Variants in TMEM266 observed in about 807,000 individuals in gnomAD.
TMEM266 encodes the protein transmembrane protein 266.
A neutral mutation model predicts 50.5 loss-of-function variants in TMEM266; 33 were observed. The observed-to-expected ratio is 0.65, with a 90% CI of 0.50 to 0.87. The LOEUF (loss-of-function observed/expected upper bound fraction) is 0.87, where lower values mean the gene tolerates loss of function less well. Ranked by LOEUF, TMEM266 falls within the 40% of genes least tolerant of loss-of-function variation. The pLI is 0.00. For missense variants in TMEM266, 655 were observed against 695.1 expected, an observed-to-expected ratio of 0.94 and a Z score of 0.65; for synonymous variants, 310 against 292.3, an observed-to-expected ratio of 1.06 and a Z score of -0.62.
chr15:76,072,731 G>A (rs1176542269), intron 1 of TMEM266, among the ~76,000 whole-genome samples: 2 of 151,462 alleles, frequency 1.3e-5, no homozygotes, highest in South Asian at 2.1e-4. Flanking sequence ...TCTGCCTCCC[G>A]GGTTCAAGCT....
At chr15:76,190,823 G>A (rs1166223454) in intron 8 of TMEM266, among the ~76,000 whole-genome samples, 1 of 152,164 alleles carries the variant, frequency 6.6e-6, no homozygotes, top group Non-Finnish European at 1.5e-5. Flanking sequence ...GCATTTGCGC[G>A]GCATTGGTAA....
At chr15:76,144,815 G>C (rs149264367) in intron 3 of TMEM266, among the ~76,000 whole-genome samples, 20 of 152,272 alleles carry the variant, frequency 1.3e-4, no homozygotes, top group Non-Finnish European at 2.5e-4. Flanking sequence ...AGGGGAGAAG[G>C]GGAACAGGGG....
At chr15:76,116,960 C>T (rs1463984818) in intron 1 of TMEM266, among the ~76,000 whole-genome samples, 2 of 146,312 alleles carry the variant, frequency 1.4e-5, no homozygotes, top group Non-Finnish European at 3.0e-5. Flanking sequence ...AGTGCAGTGG[C>T]ATGATCTCGG....
chr15:76,116,355 C>G (rs574484537), intron 1 of TMEM266, among the ~76,000 whole-genome samples: 1 of 152,342 alleles, frequency 6.6e-6, no homozygotes, highest in East Asian at 1.9e-4. Context: ...CACGCAGCCT[C>G]GCAGTGGCTT....
chr15:76,135,678 T>G (rs2037577570), intron 2 of TMEM266, among the ~76,000 whole-genome samples: 1 of 152,222 alleles, frequency 6.6e-6, no homozygotes, highest in African/African-American at 2.4e-5. Context: ...CTGTTTCGTT[T>G]AAAGATCTTG....
chr15:76,204,175 A>C lies in TMEM266; in HGVS notation c.1456A>C (p.Asn486His), dbSNP rs371899674. 2.2e-5 allele frequency: 36 copies of C among 1,613,656 alleles called. No individual in the cohort carries two copies. In the African/African-American group the frequency reaches 4.5e-4, roughly 20 times the overall value. The change falls in exon 11 of 11, where the codon AAC becomes CAC. Residue 486 changes from asparagine (N) to histidine (H), a missense_variant. Asn to His is a moderately conservative substitution (Grantham distance 68). Around this residue, in one of 3 missense-constraint regions of TMEM266, gnomAD observed 455 missense variants for 401.8 expected, o/e 1.13. Transcript: ENST00000388942. ...GCTGGAACACAGGGTAAGTCTGTTC[A>C]ACCAGAAGAACCAGGAGGGCTTCAC... is the stretch of plus-strand genomic sequence containing the variant.
intron 1 of TMEM266, among the ~76,000 whole-genome samples, chr15:76,063,833 G>A (rs1183120177): frequency 6.6e-6 from 1 of 152,192 alleles, no homozygotes; most frequent in Non-Finnish European, 1.5e-5. Flanking sequence ...GTTCTCTGTA[G>A]TGAGCAATGA....
At chr15:76,178,687 G>C (rs942964168) in intron 8 of TMEM266, 3 of 152,216 alleles carry the variant, frequency 2.0e-5, no homozygotes, top group African/African-American at 7.2e-5. Context: ...TCCACATGTG[G>C]CCTCCTTCCC....
At chr15:76,141,356 C>T (rs139159818) in intron 3 of TMEM266, among the ~76,000 whole-genome samples, 1 of 152,042 alleles carries the variant, frequency 6.6e-6, no homozygotes, top group East Asian at 1.9e-4. Context: ...CCACTTCAGC[C>T]TCCCAAGTAA....
At chr15:76,183,103 CTTTTTTTTTTTTTTTTTTTT>C (rs71140199) in intron 8 of TMEM266, among the ~76,000 whole-genome samples, 1 of 44,126 alleles carries the variant, frequency 2.3e-5, no homozygotes, top group South Asian at 1.6e-3. Flanking sequence ...CATTTTGTGG[CTTTTTTTTTTTTTTTTTTTT>C]TTTTTTTTTT....
chr15:76,203,657 C>T, intron 10 of TMEM266, 84 bp from the exon 11 acceptor site: 1 of 1,337,202 alleles, frequency 7.5e-7, no homozygotes, highest in Admixed American at 1.9e-5. Context: ...TCATTGCCCA[C>T]CGCCCGGCTC....
chr15:76,140,900 G>A (rs1367368167), intron 3 of TMEM266, among the ~76,000 whole-genome samples: 1 of 152,062 alleles, frequency 6.6e-6, no homozygotes, highest in African/African-American at 2.4e-5. Flanking sequence ...AGCCAGGCAT[G>A]GTGGCACGCA....
intron 10 of TMEM266, 79 bp from the exon 11 acceptor site, chr15:76,203,662 C>A: frequency 2.2e-6 from 3 of 1,384,406 alleles, no homozygotes; most frequent in Non-Finnish European, 3.0e-6. Context: ...GCCCACCGCC[C>A]GGCTCAGACC....
chr15:76,136,680 C>T (rs1418055326), intron 2 of TMEM266, among the ~76,000 whole-genome samples: 1 of 152,136 alleles, frequency 6.6e-6, no homozygotes, highest in Non-Finnish European at 1.5e-5. Context: ...TCAGATTCTA[C>T]AGGATGAGAT....
At chr15:76,086,936 G>C (rs561354627) in intron 1 of TMEM266, among the ~76,000 whole-genome samples, 1 of 151,654 alleles carries the variant, frequency 6.6e-6, no homozygotes, top group Non-Finnish European at 1.5e-5. Flanking sequence ...GTCGGGGGGG[G>C]GGCGGTGGTG....
Position 76,153,092 on chromosome 15 carries a change from G to A in TMEM266, c.228-3512G>A, listed in dbSNP as rs549398919. 2.0e-5 allele frequency among the ~76,000 whole-genome samples: 3 copies of A among 150,562 alleles called. No homozygotes were observed. The highest frequency in any genetic ancestry group is 2.0e-4 in the East Asian group (1 of 5,068). The stretch of plus-strand genomic sequence containing the variant: ...AGGTAACTCCAGACGCCCACCTCCT[G>A]CAGCTTCCTAACCACCTGATATGGT... On this transcript the variant is annotated intron_variant, in intron 3 of 10. Coordinates refer to ENST00000388942, the MANE Select transcript of TMEM266 (RefSeq NM_152335.3). This position sits in a 1 kb window ranked among gnomAD's most constrained non-coding sequence, Gnocchi z 4.2.
rs746836403 is a variant in TMEM266 at position 76,204,288 on chromosome 15, A to G, written c.1569A>G (p.Gln523=). The stretch of plus-strand genomic sequence containing the variant: ...TCAGATCTTTGGAATCCAAAGAGCA[A>G]AAGCTGCACAGGGTCCCTGAGGCCT... Residue 523 remains glutamine, a synonymous_variant, in exon 11 of 11, where the codon CAA becomes CAG. Transcript: ENST00000388942. 1 of 1,611,464 alleles carries G rather than the reference A, an allele frequency of 6.2e-7. No individual in the cohort carries two copies. Among genetic ancestry groups the G allele is most frequent in the Non-Finnish European group, 8.5e-7 (1 of 1,178,116 alleles).
chr15:76,178,908 T>TG (rs1180430731), intron 8 of TMEM266: 12 of 151,956 alleles, frequency 7.9e-5, no homozygotes, highest in African/African-American at 2.7e-4. Flanking sequence ...CCGGGGAGGG[T>TG]GGGGGCTGCC....
At chr15:76,141,219 TTTAAC>T (rs2037671338) in intron 3 of TMEM266, among the ~76,000 whole-genome samples, 1 of 150,350 alleles carries the variant, frequency 6.7e-6, no homozygotes, top group Non-Finnish European at 1.5e-5. Context: ...GTCCAATGCC[TTTAAC>T]TTCTCAGTAT....
Sources: gnomAD v4.1 joint callset for allele counts (sites outside exome capture counted in the v4.1 genomes callset) on GRCh38, gnomAD v4.1.1 for gene constraint, gnomAD v4.1.1 regional missense constraint, Gnocchi (gnomAD v3.1) non-coding constraint, MANE v1.5 for transcripts, NCBI Gene and HGNC (gene_info 2026-07-23, HGNC 2026-07-21) for gene names.